Variants in DCP1B observed in about 807,000 individuals in gnomAD.
The protein encoded by DCP1B is mRNA-decapping enzyme 1B.
In DCP1B, 47 loss-of-function variants were observed where a neutral mutation model predicts 60.5. The observed-to-expected ratio is 0.78, with a 90% CI of 0.61 to 0.99. The LOEUF (loss-of-function observed/expected upper bound fraction) is 0.99, where lower values mean the gene tolerates loss of function less well. DCP1B is among the 50% of genes least tolerant of loss of function. The pLI is 0.00. For missense variants in DCP1B, 725 were observed against 756.8 expected (o/e 0.96, Z 0.49); for synonymous variants, 267 against 280.3 (o/e 0.95, Z 0.47).
In DCP1B at chr12:1,971,942, T is replaced by C. The variant is rs1464077421; in HGVS notation, c.320-4032A>G. On this transcript the variant is annotated intron_variant, in intron 3 of 8. Coordinates refer to ENST00000280665, the MANE Select transcript of DCP1B (RefSeq NM_152640.5). This position sits in a 1 kb window ranked among gnomAD's most constrained non-coding sequence, Gnocchi z 4.2. ...ATGTGATAATGTTTGTGTAAATTTT[T>C]AAAAGAAGATATATATCCATTCAAT... Among the ~76,000 whole-genome samples, 3 of 152,258 alleles carry C rather than the reference T, an allele frequency of 2.0e-5. No homozygotes were observed. The highest frequency in any genetic ancestry group is 7.2e-5 in the African/African-American group (3 of 41,468).
intron 6 of DCP1B, among the ~76,000 whole-genome samples, chr12:1,954,237 A>G (rs1405453371): frequency 6.6e-6 from 1 of 152,102 alleles, no homozygotes; most frequent in African/African-American, 2.4e-5. Context: ...TTTAAAGTCA[A>G]CATATTCAGG....
chr12:1,969,567 A>G (rs1404398988), intron 3 of DCP1B, among the ~76,000 whole-genome samples: 1 of 137,972 alleles, frequency 7.2e-6, no homozygotes, highest in East Asian at 2.0e-4. Flanking sequence ...TTTTTTTTTA[A>G]GAACGTCTGA....
chr12:1,960,146 C>T (rs1427783897), intron 5 of DCP1B, among the ~76,000 whole-genome samples: 1 of 152,104 alleles, frequency 6.6e-6, no homozygotes, highest in African/African-American at 2.4e-5. Flanking sequence ...CCTAAGTGTT[C>T]ATCAATGAAT....
intron 3 of DCP1B, among the ~76,000 whole-genome samples, chr12:1,981,981 G>C (rs1022701557): frequency 1.3e-5 from 2 of 152,194 alleles, no homozygotes; most frequent in African/African-American, 2.4e-5. Flanking sequence ...GATGTGATCT[G>C]AAAGGGTAAC....
At chr12:1,995,990 C>G (rs1022918001) in intron 2 of DCP1B, among the ~76,000 whole-genome samples, 1 of 152,204 alleles carries the variant, frequency 6.6e-6, no homozygotes, top group African/African-American at 2.4e-5. Flanking sequence ...TCTTGACCTC[C>G]TGTCTTTCTT....
chr12:1,967,905 T>C lies in DCP1B; in HGVS notation c.325A>G (p.Ile109Val). 6.2e-7 allele frequency: 1 copy of C among 1,612,300 alleles called. No homozygotes were observed. Among genetic ancestry groups the C allele is most frequent in the Non-Finnish European group, 8.5e-7 (1 of 1,179,548 alleles). ...TTATCATAAAACCAAATTCCATAGA[T>C]GGACACTGCAAAAAACACACATCAA... ...FLLYRNARLS[I>V]YGIWFYDKEE... is the part of the protein sequence containing the mutation. The change falls in exon 4 of 9, where the codon ATC (isoleucine) becomes GTC (valine). Residue 109 changes from isoleucine to valine, a missense_variant. By Grantham distance (29) the Ile-to-Val change is conservative (BLOSUM62 3). Coordinates refer to ENST00000280665, the MANE Select transcript of DCP1B (RefSeq NM_152640.5).
chr12:1,984,781 A>C (rs1428433921), intron 3 of DCP1B, among the ~76,000 whole-genome samples: 1 of 148,892 alleles, frequency 6.7e-6, no homozygotes, highest in African/African-American at 2.4e-5. Context: ...CTTCTGGTAA[A>C]AAAAAAAAAA....
At chr12:1,953,646 G>A (rs2030775550) in intron 6 of DCP1B, among the ~76,000 whole-genome samples, 1 of 152,170 alleles carries the variant, frequency 6.6e-6, no homozygotes, top group Admixed American at 6.5e-5. Flanking sequence ...ATCTAAGCCT[G>A]CAGAGTAATA....
chr12:1,965,481 C>A, intron 5 of DCP1B, 77 bp downstream of exon 5: 1 of 1,469,358 alleles, frequency 6.8e-7, no homozygotes, highest in Non-Finnish European at 9.0e-7. Flanking sequence ...ATCCACAGTA[C>A]CTAGTCTTGC....
chr12:1,994,405 C>T (rs78998667), intron 2 of DCP1B, among the ~76,000 whole-genome samples: 3,910 of 152,306 alleles, frequency 0.026, 158 homozygotes, highest in African/African-American at 0.089. Context: ...AGCTACATAA[C>T]CACTACCAGG....
chr12:2,004,209 C>T (rs1195674725), intron 1 of DCP1B, 73 bp downstream of exon 1: 5 of 1,586,622 alleles, frequency 3.2e-6, no homozygotes, highest in Non-Finnish European at 3.4e-6. Context: ...ACCGGGTCCT[C>T]AAGTCCTGAG....
rs1306285941 is a variant in DCP1B, at chr12:1,967,860, C to T, written c.370G>A (p.Ala124Thr). Residue 124 changes from alanine (A) to threonine (T), a missense_variant, in exon 4 of 9, where the codon GCA (alanine) becomes ACA (threonine). Ala to Thr is a moderately conservative substitution (Grantham distance 58, BLOSUM62 0). Transcript: ENST00000280665. ...AGTACTTACTTTTTCATAAGCTCTGCAATTCTTTGGCATTCTTCCTTATCA... is the reference window on the plus strand; with the variant it reads ...AGTACTTACTTTTTCATAAGCTCTGTAATTCTTTGGCATTCTTCCTTATCA... Reference protein sequence around the residue: ...FYDKEECQRIAELMKNLTQYE... With the variant: ...FYDKEECQRITELMKNLTQYE... 1 of 1,612,608 alleles carries T rather than the reference C, an allele frequency of 6.2e-7. No individual in the cohort carries two copies. Among genetic ancestry groups the T allele is most frequent in the Non-Finnish European group, 8.5e-7 (1 of 1,179,706 alleles).
At position 1,952,720 on chromosome 12, in the gene DCP1B, T is replaced by C. The variant is rs750877726; in HGVS notation, c.1220A>G (p.Tyr407Cys). 1.2e-6 allele frequency: 2 copies of C among 1,614,108 alleles called. No individual in the cohort carries two copies. Among genetic ancestry groups the C allele is most frequent in the Admixed American group, 3.3e-5 (2 of 60,016 alleles). Residue 407 changes from tyrosine (Y) to cysteine (C), a missense_variant, in exon 7 of 9, where the codon TAT (tyrosine) becomes TGT (cysteine). Physicochemically the swap from Tyr to Cys is radical, Grantham distance 194. Transcript: ENST00000280665. ...CTGAGGTGGAAGGGAGCCATTGAAA[T>C]AGGCCTGTGGTGGCTGAGCCAGACC... ...GKGLAQPPQA[Y>C]FNGSLPPQTV...
intron 2 of DCP1B, among the ~76,000 whole-genome samples, chr12:1,993,837 T>A (rs1259169840): frequency 6.6e-6 from 1 of 152,156 alleles, no homozygotes; most frequent in African/African-American, 2.4e-5. Context: ...TGAAGAAAAT[T>A]TTCATAGAAA....
intron 2 of DCP1B, among the ~76,000 whole-genome samples, chr12:1,996,905 T>G (rs754135070): frequency 5.9e-5 from 9 of 152,226 alleles, no homozygotes; most frequent in Non-Finnish European, 1.3e-4. Flanking sequence ...GTGTATTTCC[T>G]GTCTCCCCAG....
At chr12:1,994,304 C>CAA (rs2040266731) in intron 2 of DCP1B, among the ~76,000 whole-genome samples, 1 of 152,212 alleles carries the variant, frequency 6.6e-6, no homozygotes, top group Non-Finnish European at 1.5e-5. Flanking sequence ...CTGTTATTAA[C>CAA]AAACCCACAG....
At chr12:1,954,524 C>T in intron 6 of DCP1B, among the ~76,000 whole-genome samples, 1 of 131,330 alleles carries the variant, frequency 7.6e-6, no homozygotes, top group East Asian at 2.3e-4. Flanking sequence ...CATTGCTGTA[C>T]TATTCTGAAG....
chr12:2,004,364 C>T lies in DCP1B; in HGVS notation c.68G>A (p.Arg23His), dbSNP rs778631240. ...GATGCGGTTGATATAGGGGTCGTGGCGCTGCAGGGCCGCTAGGCTGATGTC... is the reference window on the plus strand; with the variant it reads ...GATGCGGTTGATATAGGGGTCGTGGTGCTGCAGGGCCGCTAGGCTGATGTC... ...GRDISLAALQ[R>H]HDPYINRIVD... The change falls in exon 1 of 9, where the codon CGC becomes CAC. Residue 23 changes from arginine to histidine, a missense_variant. By Grantham distance (29) the Arg-to-His change is conservative (BLOSUM62 0). Transcript: ENST00000280665. 6 of 1,613,156 alleles carry T rather than the reference C, an allele frequency of 3.7e-6. No individual in the cohort carries two copies. Among genetic ancestry groups the T allele is most frequent in the South Asian group, 2.2e-5 (2 of 91,062 alleles).
chr12:1,991,492 C>T (rs1282919776), intron 3 of DCP1B: 1 of 236,976 alleles, frequency 4.2e-6, no homozygotes, highest in Non-Finnish European at 8.5e-6. Flanking sequence ...CCCAATTTAT[C>T]CAAAATATTG....
Sources: allele counts gnomAD v4.1 joint callset (sites outside exome capture counted in the v4.1 genomes callset), GRCh38; gene constraint gnomAD v4.1.1; non-coding constraint Gnocchi (gnomAD v3.1); transcripts MANE v1.5; gene names NCBI Gene and HGNC (gene_info 2026-07-23, HGNC 2026-07-21).